The following MRPS11 variants were observed in gnomAD, a reference collection of about 807,000 sequenced individuals.
MRPS11 encodes the protein small ribosomal subunit protein uS11m.
MRPS11 carries 27 observed loss-of-function variants against 24.3 expected under a neutral mutation model. The observed-to-expected ratio is 1.11, with a 90% CI of 0.82 to 1.53. MRPS11 has a LOEUF of 1.53. Among genes scored for constraint, MRPS11 ranks in the 40% most tolerant of loss-of-function variants. MRPS11 has a pLI of 0.00. For missense variants in MRPS11, 277 were observed against 256.5 expected (o/e 1.08, Z -0.55); for synonymous variants, 104 against 98.7 (o/e 1.05, Z -0.32).
Position 88,472,341 on chromosome 15 carries a change from G to A in MRPS11, c.183-286G>A, listed in dbSNP as rs572542757. 9 of 297,308 alleles carry A rather than the reference G, an allele frequency of 3.0e-5. No homozygotes were observed. In the South Asian group the frequency reaches 4.0e-4, roughly 13 times the overall value. 18.4% of individuals were successfully genotyped at this position (297,308 alleles called of 1,614,324 possible). ...CAAAGGATCTGAAAATAATGAACAC[G>A]GGTATACCTGCAGGGACAAGGAAGA... is the stretch of plus-strand genomic sequence containing the variant. On this transcript the variant is annotated intron_variant, in intron 2 of 5. Transcript: ENST00000325844.
In MRPS11 at chr15:88,479,184, T is replaced by C. The variant is rs2055883560; in HGVS notation, c.*1205T>C. 6.6e-6 allele frequency: 1 copy of C among 152,122 alleles called. No individual in the cohort carries two copies. Among genetic ancestry groups the C allele is most frequent in the Non-Finnish European group, 1.5e-5 (1 of 68,068 alleles). 9.4% of individuals were successfully genotyped at this position (152,122 alleles called of 1,614,324 possible). On this transcript the variant is annotated 3_prime_UTR_variant, in exon 6 of 6. Transcript: ENST00000325844. ...ACCCCCAGGCAGGACTGACTGCTCC[T>C]CTGTTGGGGCTCTAGGGTTCCTGGA... is the stretch of plus-strand genomic sequence containing the variant.
chr15:88,472,059 G>C (rs140700517), intron 2 of MRPS11, among the ~76,000 whole-genome samples: 9 of 152,270 alleles, frequency 5.9e-5, no homozygotes, highest in African/African-American at 2.2e-4. Context: ...CCTGTTGTTG[G>C]GATATAGTGG....
Position 88,472,621 on chromosome 15 carries a change from T to C in MRPS11, c.183-6T>C, listed in dbSNP as rs2055737804. On this transcript the variant is annotated splice_polypyrimidine_tract_variant and splice_region_variant and intron_variant, in intron 2 of 5. Transcript: ENST00000325844. ...ATTTTAAATAAAATCTTTCTTCTAA[T>C]TGCAGCATTTACCCTCCCATTCCAG... 6.2e-7 allele frequency: 1 copy of C among 1,607,136 alleles called. No homozygotes were observed. Among genetic ancestry groups the C allele is most frequent in the African/African-American group, 1.3e-5 (1 of 74,598 alleles).
rs2055859842 is a variant in MRPS11, at chr15:88,478,013, A to G, written c.*34A>G. 1 of 1,546,282 alleles carries G rather than the reference A, an allele frequency of 6.5e-7. No individual in the cohort carries two copies. The highest frequency in any genetic ancestry group is 1.7e-5 in the Admixed American group (1 of 59,914). On this transcript the variant is annotated 3_prime_UTR_variant, in exon 6 of 6. Transcript: ENST00000325844. The surrounding 1 kb of genome is among the most constrained non-coding windows in gnomAD (Gnocchi z 4.7). ...AGGCCTGCACTTGGACCTGACCTCA[A>G]GCCTCAGCTCCAGTGGGACCTTGTA...
chr15:88,474,676 A>G (rs1156835147), intron 3 of MRPS11, among the ~76,000 whole-genome samples: 1 of 152,230 alleles, frequency 6.6e-6, no homozygotes, highest in Non-Finnish European at 1.5e-5. Flanking sequence ...ATTTGCTTCA[A>G]AATAATCCAT....
chr15:88,480,282 A>T lies in MRPS11; in HGVS notation c.*2303A>T, dbSNP rs1165555155. The T allele has an allele frequency of 6.6e-6, 1 of 152,224 alleles. No individual in the cohort carries two copies. The highest frequency in any genetic ancestry group is 2.4e-5 in the African/African-American group (1 of 41,450). 9.4% of individuals were successfully genotyped at this position (152,224 alleles called of 1,614,324 possible). Reference sequence around the variant, plus strand: ...CAGGCTGGATTGCAGTGGTACGACCATGGTTCACTGCAGCCTCAAACTCCT... The same window carrying T: ...CAGGCTGGATTGCAGTGGTACGACCTTGGTTCACTGCAGCCTCAAACTCCT... On this transcript the variant is annotated 3_prime_UTR_variant, in exon 6 of 6. Transcript: ENST00000325844. This position sits in a 1 kb window ranked among gnomAD's most constrained non-coding sequence, Gnocchi z 5.1.
rs1157367475 is a variant in MRPS11, at chr15:88,469,795, A to G, written c.182+1771A>G. 6.6e-6 allele frequency among the ~76,000 whole-genome samples: 1 copy of G among 152,186 alleles called. No homozygotes were observed. Among genetic ancestry groups the G allele is most frequent in the Non-Finnish European group, 1.5e-5 (1 of 68,020 alleles). ...GGACCATGGTTATTGCCATGGAGGT[A>G]TTATGAATGGTCTGACATATTTTGA... On this transcript the variant is annotated intron_variant, in intron 2 of 5. Coordinates refer to ENST00000325844, the MANE Select transcript of MRPS11 (RefSeq NM_022839.5). This position sits in a 1 kb window ranked among gnomAD's most constrained non-coding sequence, Gnocchi z 4.4.
Position 88,477,264 on chromosome 15 carries a change from T to C in MRPS11, c.477+210T>C, listed in dbSNP as rs1174266443. Among the ~76,000 whole-genome samples, 1 of 152,238 alleles carries C rather than the reference T, an allele frequency of 6.6e-6. No homozygotes were observed. The highest frequency in any genetic ancestry group is 1.5e-5 in the Non-Finnish European group (1 of 68,038). Reference sequence around the variant, plus strand: ...AATTCATCAGACACTGAGTGCCTGCTGCGTGCCACGCACTGGGAATGGGAA... The same window carrying C: ...AATTCATCAGACACTGAGTGCCTGCCGCGTGCCACGCACTGGGAATGGGAA... On this transcript the variant is annotated intron_variant, in intron 5 of 5. Coordinates refer to ENST00000325844, the MANE Select transcript of MRPS11 (RefSeq NM_022839.5). This position sits in a 1 kb window ranked among gnomAD's most constrained non-coding sequence, Gnocchi z 5.7.
chr15:88,468,172 A>G (rs2055594894), intron 2 of MRPS11, 148 bp downstream of exon 2: 2 of 1,451,388 alleles, frequency 1.4e-6, no homozygotes, highest in Non-Finnish European at 1.8e-6. Flanking sequence ...CAGCCTTCTC[A>G]TCTAAAAATG....
Position 88,469,417 on chromosome 15 carries a change from G to A in MRPS11, c.182+1393G>A, listed in dbSNP as rs2055636787. On this transcript the variant is annotated intron_variant, in intron 2 of 5. Coordinates refer to ENST00000325844, the MANE Select transcript of MRPS11 (RefSeq NM_022839.5). This position sits in a 1 kb window ranked among gnomAD's most constrained non-coding sequence, Gnocchi z 4.4. ...CCTGACCAAACAGACAAAAAGCCCTGCCCTCATAGAACTTAAATTCCAGTG... is the reference window on the plus strand; with the variant it reads ...CCTGACCAAACAGACAAAAAGCCCTACCCTCATAGAACTTAAATTCCAGTG... 6.6e-6 allele frequency among the ~76,000 whole-genome samples: 1 copy of A among 152,218 alleles called. No individual in the cohort carries two copies. Among genetic ancestry groups the A allele is most frequent in the Non-Finnish European group, 1.5e-5 (1 of 68,042 alleles).
rs2055791638 is a variant in MRPS11, at chr15:88,475,064, C to A, written c.282-46C>A. On this transcript the variant is annotated intron_variant, in intron 3 of 5. Transcript: ENST00000325844. The surrounding 1 kb of genome is among the most constrained non-coding windows in gnomAD (Gnocchi z 4.1). ...GGCATAGATTAGCTCTCTCTTATTTCCCTGAAGAAGAGTTGTATCCTATGT... is the reference window on the plus strand; with the variant it reads ...GGCATAGATTAGCTCTCTCTTATTTACCTGAAGAAGAGTTGTATCCTATGT... The A allele has an allele frequency of 3.1e-6, 5 of 1,605,810 alleles. No homozygotes were observed. Among genetic ancestry groups the A allele is most frequent in the Non-Finnish European group, 3.4e-6 (4 of 1,174,744 alleles).
rs1280758960 is a variant in MRPS11, at chr15:88,475,071, G to A, written c.282-39G>A. 6.2e-7 allele frequency: 1 copy of A among 1,609,190 alleles called. No homozygotes were observed. Among genetic ancestry groups the A allele is most frequent in the South Asian group, 1.1e-5 (1 of 90,654 alleles). Reference sequence around the variant, plus strand: ...ATTAGCTCTCTCTTATTTCCCTGAAGAAGAGTTGTATCCTATGTGCTTCTT... The same window carrying A: ...ATTAGCTCTCTCTTATTTCCCTGAAAAAGAGTTGTATCCTATGTGCTTCTT... On this transcript the variant is annotated intron_variant, in intron 3 of 5. Transcript: ENST00000325844. The surrounding 1 kb of genome is among the most constrained non-coding windows in gnomAD (Gnocchi z 4.1).
chr15:88,475,350 A>T lies in MRPS11; in HGVS notation c.411+111A>T. On this transcript the variant is annotated intron_variant, in intron 4 of 5. Transcript: ENST00000325844. The surrounding 1 kb of genome is among the most constrained non-coding windows in gnomAD (Gnocchi z 4.1). ...ACCCATTCAGAAGCAAGGGTTTGTC[A>T]TGGCAGCTTTGATGCCCTGATTGGA... 2 of 1,483,778 alleles carry T rather than the reference A, an allele frequency of 1.3e-6. No homozygotes were observed. The highest frequency in any genetic ancestry group is 4.6e-5 in the East Asian group (2 of 43,806). 91.9% of individuals were successfully genotyped at this position (1,483,778 alleles called of 1,614,324 possible).
chr15:88,474,558 T>TAAAAAAAAA (rs2055781605), intron 3 of MRPS11, among the ~76,000 whole-genome samples: 1 of 126,148 alleles, frequency 7.9e-6, no homozygotes, highest in African/African-American at 5.3e-5. Flanking sequence ...AAACTCCATC[T>TAAAAAAAAA]CAAAAAAAAA....
rs1419378075 is a variant in MRPS11, at chr15:88,469,374, G to C, written c.182+1350G>C. Among the ~76,000 whole-genome samples the C allele has an allele frequency of 1.3e-5, 2 of 152,246 alleles. No individual in the cohort carries two copies. Among genetic ancestry groups the C allele is most frequent in the Admixed American group, 6.5e-5 (1 of 15,286 alleles). ...CTTCAACAATGCCAGGCACTGTTCA[G>C]AGTGTTGGGGATATATCCCTGACCA... On this transcript the variant is annotated intron_variant, in intron 2 of 5. Coordinates refer to ENST00000325844, the MANE Select transcript of MRPS11 (RefSeq NM_022839.5). This position sits in a 1 kb window ranked among gnomAD's most constrained non-coding sequence, Gnocchi z 4.4.
At chr15:88,468,538 AAG>A (rs2055605878) in intron 2 of MRPS11, 1 of 987,130 alleles carries the variant, frequency 1.0e-6, no homozygotes, top group Non-Finnish European at 1.2e-6. Context: ...AACATTTACC[AAG>A]AATCTACTAT....
chr15:88,468,201 G>T, intron 2 of MRPS11, 177 bp downstream of exon 2: 2 of 1,438,596 alleles, frequency 1.4e-6, no homozygotes, highest in South Asian at 3.0e-5. Context: ...GCTGAGAGAG[G>T]TTGTGAGAAT....
At position 88,472,608 on chromosome 15, in the gene MRPS11, A is replaced by G. The variant is rs760450271; in HGVS notation, c.183-19A>G. 1.3e-6 allele frequency: 2 copies of G among 1,591,420 alleles called. No individual in the cohort carries two copies. Among genetic ancestry groups the G allele is most frequent in the Non-Finnish European group, 1.7e-6 (2 of 1,162,252 alleles). Reference sequence around the variant, plus strand: ...AAAAGTCGAGACAATTTTAAATAAAATCTTTCTTCTAATTGCAGCATTTAC... The same window carrying G: ...AAAAGTCGAGACAATTTTAAATAAAGTCTTTCTTCTAATTGCAGCATTTAC... On this transcript the variant is annotated intron_variant, in intron 2 of 5. Coordinates refer to ENST00000325844, the MANE Select transcript of MRPS11 (RefSeq NM_022839.5).
chr15:88,472,470 C>T (rs916567808), intron 2 of MRPS11, 157 bp from the exon 3 acceptor site: 6 of 601,278 alleles, frequency 1.0e-5, no homozygotes, highest in African/African-American at 1.9e-5. Flanking sequence ...GTCACACATG[C>T]GGTGGTGGCA....
Sources: allele counts gnomAD v4.1 joint callset (sites outside exome capture counted in the v4.1 genomes callset), GRCh38; gene constraint gnomAD v4.1.1; non-coding constraint Gnocchi (gnomAD v3.1); transcripts MANE v1.5; gene names NCBI Gene and HGNC (gene_info 2026-07-23, HGNC 2026-07-21).